Variants in SLC14A2 observed in about 807,000 individuals in gnomAD.
The protein encoded by SLC14A2 is urea transporter 2.
Under a neutral mutation model 104.6 loss-of-function variants are expected in SLC14A2, and 91 were observed. The observed-to-expected ratio is 0.87, with a 90% CI of 0.73 to 1.04. The LOEUF (loss-of-function observed/expected upper bound fraction) is 1.04, where lower values mean the gene tolerates loss of function less well. Ranked by LOEUF, SLC14A2 falls within the 50% of genes least tolerant of loss-of-function variation. SLC14A2 has a pLI of 0.00. For synonymous variants in SLC14A2, 476 were observed against 466.4 expected, an observed-to-expected ratio of 1.02 and a Z score of -0.27; for missense variants, 1,189 against 1,156.0, an observed-to-expected ratio of 1.03 and a Z score of -0.41.
At chr18:45,487,037 T>C (rs1338533402) in intron 2 of SLC14A2, among the ~76,000 whole-genome samples, 1 of 152,242 alleles carries the variant, frequency 6.6e-6, no homozygotes, top group East Asian at 1.9e-4. Flanking sequence ...TTGCAAACTT[T>C]AGTGGCTTAA....
intron 1 of SLC14A2, among the ~76,000 whole-genome samples, chr18:45,352,991 A>T (rs2085517637): frequency 1.3e-5 from 2 of 152,238 alleles, no homozygotes; most frequent in Non-Finnish European, 2.9e-5. Context: ...TGAGGTACAG[A>T]AACAGCTGGA....
At chr18:45,518,793 G>A (rs2043477052) in intron 2 of SLC14A2, among the ~76,000 whole-genome samples, 1 of 152,148 alleles carries the variant, frequency 6.6e-6, no homozygotes, top group African/African-American at 2.4e-5. Context: ...GAGGACCTCA[G>A]GTTTTCTGAT....
At chr18:45,601,075 C>G (rs2044784660) in intron 2 of SLC14A2, among the ~76,000 whole-genome samples, 1 of 152,194 alleles carries the variant, frequency 6.6e-6, no homozygotes, top group Admixed American at 6.5e-5. Flanking sequence ...CTTACCACTT[C>G]CCTAGGCTGT....
chr18:45,606,716 T>C (rs1214144112), intron 2 of SLC14A2, among the ~76,000 whole-genome samples: 1 of 138,814 alleles, frequency 7.2e-6, no homozygotes, highest in Non-Finnish European at 1.6e-5. Flanking sequence ...TAAATGCCTA[T>C]AACTGACAAA....
rs192327199 is a variant in SLC14A2 at position 45,296,803 on chromosome 18, A to T, written c.-125+83612A>T. 5.5e-3 allele frequency among the ~76,000 whole-genome samples: 805 copies of T among 145,740 alleles called. 3 individuals carry two copies. Among genetic ancestry groups the T allele is most frequent in the Non-Finnish European group, 9.0e-3 (602 of 66,738 alleles). On this transcript the variant is annotated intron_variant, in intron 1 of 20. Transcript: ENST00000586448. ...AAAGTGTATGACAACTTCCTTTCTG[A>T]ATGTATTTTTCCCAGGGTAGCCGTC...
At chr18:45,426,617 TAC>T (rs1292004235) in intron 1 of SLC14A2, among the ~76,000 whole-genome samples, 3 of 148,898 alleles carry the variant, frequency 2.0e-5, no homozygotes, top group Non-Finnish European at 4.4e-5. Context: ...ACTATATATA[TAC>T]ACATATATAT....
At chr18:45,243,129 A>G (rs899209225) in intron 1 of SLC14A2, among the ~76,000 whole-genome samples, 34 of 152,222 alleles carry the variant, frequency 2.2e-4, no homozygotes, top group Admixed American at 9.8e-4. Flanking sequence ...TTTAATATTC[A>G]GTTGTAGTAA....
intron 1 of SLC14A2, among the ~76,000 whole-genome samples, chr18:45,213,449 G>A (rs1188556282): frequency 6.6e-6 from 1 of 152,130 alleles, no homozygotes; most frequent in Non-Finnish European, 1.5e-5. Context: ...ATAGGGAATT[G>A]TTACTACTAT....
At chr18:45,549,531 C>T (rs72902402) in intron 2 of SLC14A2, among the ~76,000 whole-genome samples, 13,695 of 152,230 alleles carry the variant, frequency 0.09, 762 homozygotes, top group Non-Finnish European at 0.12. Flanking sequence ...GGAAGAAATC[C>T]GTTCTACCTC....
intron 2 of SLC14A2, 106 bp downstream of exon 2, chr18:45,624,920 G>C (rs2045235794): frequency 1.9e-5 from 22 of 1,168,804 alleles, no homozygotes; most frequent in Non-Finnish European, 2.6e-5. Context: ...GCACACTGAG[G>C]AAGTGCCACT....
intron 1 of SLC14A2, among the ~76,000 whole-genome samples, chr18:45,265,361 T>C (rs1344160038): frequency 6.6e-6 from 1 of 152,142 alleles, no homozygotes. Context: ...GGCCCAACAA[T>C]TAAATGGGCC....
chr18:45,223,149 TGAG>T (rs1471220068), intron 1 of SLC14A2, among the ~76,000 whole-genome samples: 4 of 152,156 alleles, frequency 2.6e-5, no homozygotes, highest in Non-Finnish European at 4.4e-5. Flanking sequence ...TTATCTCAAA[TGAG>T]GAGAATATTG....
At chr18:45,217,363 A>G (rs2143982456) in intron 1 of SLC14A2, among the ~76,000 whole-genome samples, 1 of 151,086 alleles carries the variant, frequency 6.6e-6, no homozygotes, top group East Asian at 1.9e-4. Context: ...AATATGTAAT[A>G]TATATATGCC....
chr18:45,467,106 G>A (rs1379388363), intron 1 of SLC14A2, among the ~76,000 whole-genome samples: 2 of 152,250 alleles, frequency 1.3e-5, no homozygotes, highest in Middle Eastern at 3.4e-3. Flanking sequence ...GGGGTAGCCA[G>A]GGACGGCACA....
intron 1 of SLC14A2, among the ~76,000 whole-genome samples, chr18:45,474,465 T>A (rs926855133): frequency 2.6e-5 from 4 of 152,198 alleles, no homozygotes; most frequent in Non-Finnish European, 5.9e-5. Context: ...CCAGCTCCTC[T>A]TTGTACCTCT....
intron 2 of SLC14A2, among the ~76,000 whole-genome samples, chr18:45,580,935 C>A (rs1198950510): frequency 6.6e-6 from 1 of 151,754 alleles, no homozygotes; most frequent in Non-Finnish European, 1.5e-5. Flanking sequence ...GGGAAATACT[C>A]AGGCAAAACC....
chr18:45,197,779 C>T, the SLC14A2 span, among the ~76,000 whole-genome samples: 2 of 152,128 alleles, frequency 1.3e-5, no homozygotes, highest in Non-Finnish European at 2.9e-5. Context: ...AAATGAAATT[C>T]CGCAGTGATC....
At chr18:45,390,023 G>T (rs1040503020) in intron 1 of SLC14A2, among the ~76,000 whole-genome samples, 1 of 152,118 alleles carries the variant, frequency 6.6e-6, no homozygotes, top group Non-Finnish European at 1.5e-5. Context: ...ACCTAAAACT[G>T]CCCTAAAAAT....
At chr18:45,640,461 T>G (rs1318828576) in intron 7 of SLC14A2, among the ~76,000 whole-genome samples, 1 of 152,020 alleles carries the variant, frequency 6.6e-6, no homozygotes, top group Admixed American at 6.6e-5. Flanking sequence ...ACAAAGAAAA[T>G]TGTTCTCAAA....
Sources: gnomAD v4.1 joint callset for allele counts (sites outside exome capture counted in the v4.1 genomes callset) on GRCh38, gnomAD v4.1.1 for gene constraint, MANE v1.5 for transcripts, NCBI Gene and HGNC (gene_info 2026-07-23, HGNC 2026-07-21) for gene names.